Variants in YPEL2 observed in about 807,000 individuals in gnomAD.
YPEL2 encodes the protein yippee like 2.
YPEL2 carries 2 observed loss-of-function variants against 19.1 expected under a neutral mutation model. The observed-to-expected ratio is 0.10, with a 90% CI of 0.04 to 0.33. YPEL2 has a LOEUF of 0.33. Ranked by LOEUF, YPEL2 falls within the 10% of genes least tolerant of loss-of-function variation. The probability of loss-of-function intolerance (pLI) is 1.00; values close to 1 mark genes in which losing one functional copy is unlikely to be tolerated. For missense variants in YPEL2, 66 were observed against 140.7 expected (o/e 0.47, Z 2.68); for synonymous variants, 52 against 50.0 (o/e 1.04, Z -0.17).
intron 2 of YPEL2, among the ~76,000 whole-genome samples, chr17:59,382,920 G>A (rs554761636): frequency 9.8e-4 from 149 of 152,244 alleles, no homozygotes; most frequent in African/African-American, 3.5e-3. Flanking sequence ...TGGGATTATA[G>A]GCATGAGCCA....
Position 59,398,772 on chromosome 17 carries a change from T to C in YPEL2, c.*1582T>C, listed in dbSNP as rs1287127380. The C allele has an allele frequency of 2.6e-5, 4 of 151,978 alleles. No homozygotes were observed. Among genetic ancestry groups the C allele is most frequent in the East Asian group, 3.8e-4 (2 of 5,200 alleles). 9.4% of individuals were successfully genotyped at this position (151,978 alleles called of 1,614,324 possible). A position where few individuals can be genotyped will look rare whatever the true frequency, so the allele number is the denominator to read the frequency against. On this transcript the variant is annotated 3_prime_UTR_variant, in exon 5 of 5. Transcript: ENST00000312655. The stretch of plus-strand genomic sequence containing the variant: ...GCATCTCCTCCAAGTAGGCCGACCT[T>C]CTCGGAAAATTCACCCTAAAAGTCT...
At chr17:59,378,263 CT>C (rs1241636544) in intron 2 of YPEL2, among the ~76,000 whole-genome samples, 1 of 151,772 alleles carries the variant, frequency 6.6e-6, no homozygotes, top group Non-Finnish European at 1.5e-5. Context: ...TAAAAGGACT[CT>C]AAAAGGGCCC....
In YPEL2 at chr17:59,394,055, G is replaced by A. The variant is rs887500480; in HGVS notation, c.271-3046G>A. Among the ~76,000 whole-genome samples, 6 of 152,092 alleles carry A rather than the reference G, an allele frequency of 3.9e-5. No homozygotes were observed. The South Asian group carries it at 6.2e-4, about 16-fold the overall frequency. On this transcript the variant is annotated intron_variant, in intron 4 of 4. Coordinates refer to ENST00000312655, the MANE Select transcript of YPEL2 (RefSeq NM_001005404.4). ...ACACCTTCCAGACGGGGTGGTGGCC[G>A]GGCAGAGGGGCTTCTCACTTCCCAG...
Position 59,401,331 on chromosome 17 carries a change from T to C in YPEL2, c.*4141T>C, listed in dbSNP as rs924921850. On this transcript the variant is annotated 3_prime_UTR_variant, in exon 5 of 5. Coordinates refer to ENST00000312655, the MANE Select transcript of YPEL2 (RefSeq NM_001005404.4). ...ACTTTTTTAAAAATTAAAATAGTTA[T>C]GAAATCTGGCAGAAAAGGTAAAGCC... The C allele has an allele frequency of 2.0e-5, 3 of 152,642 alleles. No homozygotes were observed. Among genetic ancestry groups the C allele is most frequent in the South Asian group, 2.1e-4 (1 of 4,836 alleles). The allele number at this position is 152,642 out of a possible 1,614,324, so 9.5% of individuals were successfully genotyped here.
intron 4 of YPEL2, among the ~76,000 whole-genome samples, chr17:59,394,197 C>A (rs537717714): frequency 6.8e-4 from 104 of 151,970 alleles, no homozygotes; most frequent in African/African-American, 2.5e-3. Context: ...GGGGGCTGAC[C>A]CCCACCTCCC....
intron 2 of YPEL2, among the ~76,000 whole-genome samples, chr17:59,372,588 A>G (rs754914465): frequency 2.6e-5 from 4 of 152,218 alleles, no homozygotes; most frequent in Non-Finnish European, 4.4e-5. Context: ...CAGTGCTGCT[A>G]AGGATCCCAC....
intron 4 of YPEL2, among the ~76,000 whole-genome samples, chr17:59,393,611 T>C (rs1159436208): frequency 2.7e-5 from 4 of 148,070 alleles, no homozygotes; most frequent in Non-Finnish European, 4.5e-5. Flanking sequence ...GGTCAGCAGA[T>C]AAACAAGTGA....
At chr17:59,335,126 C>T (rs536382365) in intron 1 of YPEL2, among the ~76,000 whole-genome samples, 1 of 152,270 alleles carries the variant, frequency 6.6e-6, no homozygotes, top group South Asian at 2.1e-4. Context: ...GATGGAAAGC[C>T]AGCCAGGGCC....
At chr17:59,374,598 G>A (rs1278939789) in intron 2 of YPEL2, among the ~76,000 whole-genome samples, 2 of 152,208 alleles carry the variant, frequency 1.3e-5, no homozygotes, top group Admixed American at 6.5e-5. Flanking sequence ...GTTTCAGTAA[G>A]GCCTGGTGCT....
At chr17:59,387,656 A>G (rs2047987540) in intron 2 of YPEL2, among the ~76,000 whole-genome samples, 1 of 152,132 alleles carries the variant, frequency 6.6e-6, no homozygotes, top group African/African-American at 2.4e-5. Flanking sequence ...CTCCAGCCAA[A>G]AGAAAGAAAC....
chr17:59,364,924 G>A (rs1337454816), intron 2 of YPEL2, among the ~76,000 whole-genome samples: 2 of 152,180 alleles, frequency 1.3e-5, no homozygotes. Context: ...GAGCCACTGC[G>A]CCCATCCGCC....
chr17:59,363,457 G>A (rs2047852258), intron 2 of YPEL2, among the ~76,000 whole-genome samples: 2 of 151,942 alleles, frequency 1.3e-5, no homozygotes, highest in South Asian at 2.1e-4. Flanking sequence ...ACAGGCATCC[G>A]CCACCAGGCC....
intron 2 of YPEL2, among the ~76,000 whole-genome samples, chr17:59,372,298 A>G (rs943556568): frequency 2.0e-5 from 3 of 152,270 alleles, no homozygotes; most frequent in African/African-American, 4.8e-5. Flanking sequence ...CCTGCTTGGC[A>G]GATGGCTGAT....
intron 2 of YPEL2, chr17:59,354,415 T>A (rs112596017): frequency 2.0e-5 from 3 of 152,052 alleles, no homozygotes; most frequent in Non-Finnish European, 4.4e-5. Context: ...GAGACGAAGT[T>A]TTTTGTTTTG....
At chr17:59,388,448 A>C in intron 3 of YPEL2, 78 bp downstream of exon 3, 2 of 1,432,352 alleles carry the variant, frequency 1.4e-6, no homozygotes, top group South Asian at 2.3e-5. Context: ...GGTGATAATT[A>C]AACAATGAAC....
At chr17:59,377,879 G>T (rs1220650246) in intron 2 of YPEL2, among the ~76,000 whole-genome samples, 3 of 152,202 alleles carry the variant, frequency 2.0e-5, no homozygotes, top group African/African-American at 7.2e-5. Flanking sequence ...GTGCTGGTGT[G>T]AAGGGAAGCA....
chr17:59,379,885 G>A (rs200693813), intron 2 of YPEL2, among the ~76,000 whole-genome samples: 2 of 33,614 alleles, frequency 5.9e-5, no homozygotes, highest in African/African-American at 2.8e-4. Flanking sequence ...TGTTTTGACA[G>A]GGTCTCACTC....
At chr17:59,394,425 C>T (rs960213231) in intron 4 of YPEL2, among the ~76,000 whole-genome samples, 28 of 149,980 alleles carry the variant, frequency 1.9e-4, no homozygotes, top group Middle Eastern at 3.5e-3. Context: ...GGCGGCCGGG[C>T]AGAGACGCTC....
At chr17:59,340,234 G>C (rs1800516543) in intron 1 of YPEL2, among the ~76,000 whole-genome samples, 1 of 151,016 alleles carries the variant, frequency 6.6e-6, no homozygotes. Flanking sequence ...CCAGCCTCCA[G>C]AGTAGCTGGG....
Sources: gnomAD v4.1 joint callset for allele counts (sites outside exome capture counted in the v4.1 genomes callset) on GRCh38, gnomAD v4.1.1 for gene constraint, MANE v1.5 for transcripts, NCBI Gene and HGNC (gene_info 2026-07-23, HGNC 2026-07-21) for gene names.